Variants in RBFOX1 observed in about 807,000 individuals in gnomAD.
RBFOX1 encodes RNA binding fox-1 homolog 1.
Under a neutral mutation model 57.7 loss-of-function variants are expected in RBFOX1, and 8 were observed. That is an observed-to-expected ratio of 0.14 (90% confidence interval 0.08 to 0.25). RBFOX1 has a LOEUF of 0.25. Ranked by LOEUF, RBFOX1 falls within the 10% of genes least tolerant of loss-of-function variation. The pLI is 1.00. For missense variants in RBFOX1, 611 were observed against 548.5 expected, an observed-to-expected ratio of 1.11 and a Z score of -1.14; for synonymous variants, 326 against 222.4, an observed-to-expected ratio of 1.47 and a Z score of -4.15.
intron 4 of RBFOX1, among the ~76,000 whole-genome samples, chr16:7,243,847 A>G (rs1029648837): frequency 6.6e-6 from 1 of 152,084 alleles, no homozygotes; most frequent in African/African-American, 2.4e-5. Flanking sequence ...ACTGCATCCT[A>G]CCCCTTATTC....
chr16:5,780,540 A>C (rs530967258), intron 3 of RBFOX1, among the ~76,000 whole-genome samples: 38 of 152,266 alleles, frequency 2.5e-4, no homozygotes, highest in African/African-American at 8.4e-4. Context: ...CAATTTAAAC[A>C]ATCAATCAAT....
intron 4 of RBFOX1, among the ~76,000 whole-genome samples, chr16:7,457,734 C>T (rs941894412): frequency 1.5e-4 from 23 of 152,206 alleles, no homozygotes; most frequent in Non-Finnish European, 3.2e-4. Flanking sequence ...CCAGGGACAT[C>T]TAAAAACGTT....
At chr16:5,699,652 G>T (rs78478852) in intron 3 of RBFOX1, among the ~76,000 whole-genome samples, 6 of 152,102 alleles carry the variant, frequency 3.9e-5, no homozygotes, top group Admixed American at 3.3e-4. Flanking sequence ...CTCTGGGTTG[G>T]GGTGTGCTAC....
In RBFOX1 at chr16:6,902,110, C is replaced by T. The variant is rs536410089; in HGVS notation, c.-15-149947C>T. Among the ~76,000 whole-genome samples the T allele has an allele frequency of 4.6e-5, 7 of 152,256 alleles. 1 individual carries two copies. The East Asian group carries it at 1.2e-3, about 25-fold the overall frequency. On this transcript the variant is annotated intron_variant, in intron 3 of 15. Transcript: ENST00000550418. The stretch of plus-strand genomic sequence containing the variant: ...TATTTGTCTACATAAAATCAGGTGT[C>T]TTACTTGAAACCAGGAGTGCTGGAA...
chr16:5,707,774 A>G (rs561474169), intron 3 of RBFOX1, among the ~76,000 whole-genome samples: 2 of 152,324 alleles, frequency 1.3e-5, no homozygotes, highest in South Asian at 2.1e-4. Context: ...AAACCTGTGT[A>G]AAGGACATGG....
At chr16:5,983,887 C>G (rs974731399) in intron 4 of RBFOX1, among the ~76,000 whole-genome samples, 2 of 146,686 alleles carry the variant, frequency 1.4e-5, no homozygotes, top group Non-Finnish European at 3.0e-5. Flanking sequence ...TCCTTCCCTA[C>G]CCCTCCTCGT....
chr16:7,665,279 A>G (rs941466942), intron 13 of RBFOX1, among the ~76,000 whole-genome samples: 1 of 152,174 alleles, frequency 6.6e-6, no homozygotes, highest in Non-Finnish European at 1.5e-5. Flanking sequence ...TTGTCTCTCA[A>G]GTTCTCGATA....
chr16:5,988,762 T>C (rs1207607999), intron 4 of RBFOX1, among the ~76,000 whole-genome samples: 1 of 152,038 alleles, frequency 6.6e-6, no homozygotes, highest in Non-Finnish European at 1.5e-5. Context: ...CAGAGAGATT[T>C]TCTTTCCCTG....
intron 1 of RBFOX1, among the ~76,000 whole-genome samples, chr16:5,367,111 T>A (rs575138078): frequency 6.6e-6 from 1 of 151,978 alleles, no homozygotes; most frequent in East Asian, 1.9e-4. Context: ...TTTTAATTTT[T>A]ATTTGAAAAC....
intron 3 of RBFOX1, among the ~76,000 whole-genome samples, chr16:6,676,758 C>A (rs1023972416): frequency 2.0e-5 from 3 of 147,638 alleles, no homozygotes; most frequent in Admixed American, 1.4e-4. Flanking sequence ...TCACTGCAAC[C>A]TTTGCCTCCC....
chr16:7,399,531 T>C (rs975611255), intron 4 of RBFOX1, among the ~76,000 whole-genome samples: 1 of 152,304 alleles, frequency 6.6e-6, no homozygotes, highest in East Asian at 1.9e-4. Flanking sequence ...TTGGATACTT[T>C]GAGGGAAAAT....
At chr16:5,737,232 C>T (rs774032385) in intron 3 of RBFOX1, among the ~76,000 whole-genome samples, 2 of 151,870 alleles carry the variant, frequency 1.3e-5, no homozygotes, top group Admixed American at 6.6e-5. Flanking sequence ...GCCTGTAATC[C>T]CAGCACTTTG....
intron 4 of RBFOX1, among the ~76,000 whole-genome samples, chr16:7,146,550 A>T (rs959740245): frequency 6.6e-6 from 1 of 152,140 alleles, no homozygotes; most frequent in Non-Finnish European, 1.5e-5. Flanking sequence ...TATTTCTTTC[A>T]GGTCTTCTTG....
chr16:6,895,942 A>G (rs1364011513), intron 3 of RBFOX1, among the ~76,000 whole-genome samples: 1 of 152,048 alleles, frequency 6.6e-6, no homozygotes, highest in Non-Finnish European at 1.5e-5. Flanking sequence ...GTAGGTATAT[A>G]TATATATTTG....
At chr16:6,718,826 G>A (rs1468356103) in intron 3 of RBFOX1, among the ~76,000 whole-genome samples, 1 of 152,014 alleles carries the variant, frequency 6.6e-6, no homozygotes, top group Admixed American at 6.6e-5. Context: ...GAAGAGATGT[G>A]CATGTTTCTT....
chr16:6,527,936 C>G lies in RBFOX1; in HGVS notation c.-63-126667C>G, dbSNP rs190825724. On this transcript the variant is annotated intron_variant, in intron 2 of 15. Coordinates refer to ENST00000550418, the MANE Select transcript of RBFOX1 (RefSeq NM_018723.4). The stretch of plus-strand genomic sequence containing the variant: ...TTATCCACTTTCTTCCTTTGTTGTC[C>G]CTTTTCCCATGGCATCGCTGAACCG... Among the ~76,000 whole-genome samples the G allele has an allele frequency of 6.0e-3, 916 of 152,210 alleles. 3 individuals carry two copies. Among genetic ancestry groups the G allele is most frequent in the Non-Finnish European group, 0.01 (714 of 68,008 alleles).
chr16:5,350,135 C>A (rs925180458), intron 1 of RBFOX1, among the ~76,000 whole-genome samples: 2 of 152,100 alleles, frequency 1.3e-5, no homozygotes, highest in African/African-American at 4.8e-5. Context: ...GGTTTCGGTT[C>A]CCTGCATGTG....
intron 3 of RBFOX1, among the ~76,000 whole-genome samples, chr16:6,788,634 C>G (rs1247982750): frequency 1.3e-5 from 2 of 151,840 alleles, no homozygotes; most frequent in African/African-American, 4.8e-5. Flanking sequence ...TACGACCATG[C>G]CCAGCTGATT....
At chr16:5,596,680 G>A (rs1411211707) in intron 2 of RBFOX1, among the ~76,000 whole-genome samples, 2 of 152,210 alleles carry the variant, frequency 1.3e-5, no homozygotes, top group Admixed American at 1.3e-4. Flanking sequence ...TTGATCAAGT[G>A]CAGTTTTTTC....
Sources: gnomAD v4.1 joint callset for allele counts (sites outside exome capture counted in the v4.1 genomes callset) on GRCh38, gnomAD v4.1.1 for gene constraint, MANE v1.5 for transcripts, NCBI Gene and HGNC (gene_info 2026-07-23, HGNC 2026-07-21) for gene names.